The following GNA14 variants were observed in gnomAD, a reference collection of about 807,000 sequenced individuals.
GNA14 encodes G protein subunit alpha 14.
GNA14 carries 50 observed loss-of-function variants against 42.0 expected under a neutral mutation model. That is an observed-to-expected ratio of 1.19 (90% CI 0.95 to 1.51). The LOEUF is 1.51. Ranked by LOEUF, GNA14 falls within the 40% of genes most tolerant of loss-of-function variation. GNA14 has a pLI of 0.00. For missense variants in GNA14, 473 were observed against 446.2 expected (o/e 1.06, Z -0.54); for synonymous variants, 173 against 163.1 (o/e 1.06, Z -0.46).
rs549330497 is a variant in GNA14 at position 77,502,270 on chromosome 9, T to G, written c.309+26799A>C. On this transcript the variant is annotated intron_variant, in intron 2 of 6. Transcript: ENST00000341700. ...AGACAATACTAACATCCCTGCCACC[T>G]TGTGACTGGCATATCTCGATTGTCC... 3.5e-4 allele frequency among the ~76,000 whole-genome samples: 53 copies of G among 152,344 alleles called. 1 individual carries two copies. The highest frequency in any genetic ancestry group is 9.6e-4 in the African/African-American group (40 of 41,602).
chr9:77,530,719 C>A (rs1352899278), intron 1 of GNA14, among the ~76,000 whole-genome samples: 1 of 152,236 alleles, frequency 6.6e-6, no homozygotes, highest in African/African-American at 2.4e-5. Context: ...CAGTCACACA[C>A]TGAACCTCAA....
intron 1 of GNA14, among the ~76,000 whole-genome samples, chr9:77,596,360 A>T (rs1023413765): frequency 6.6e-6 from 1 of 152,134 alleles, no homozygotes; most frequent in Non-Finnish European, 1.5e-5. Context: ...CTGAAAAGAA[A>T]CTTGTTGCAT....
intron 2 of GNA14, among the ~76,000 whole-genome samples, chr9:77,502,825 T>C (rs1283840949): frequency 6.6e-6 from 1 of 152,144 alleles, no homozygotes; most frequent in African/African-American, 2.4e-5. Flanking sequence ...GGGGCCACAG[T>C]GTTTTTCTTG....
rs1823898714 is a variant in GNA14, at chr9:77,620,207, G to C, written c.124+27463C>G. On this transcript the variant is annotated intron_variant, in intron 1 of 6. Transcript: ENST00000341700. ...GGAAACTCAGGGCTGGAAGGATTTA[G>C]AGATTGCCAAATCCAGCCTTTTCAT... Among the ~76,000 whole-genome samples the C allele has an allele frequency of 2.6e-5, 4 of 152,182 alleles. No individual in the cohort carries two copies. The South Asian group carries it at 8.3e-4, about 32-fold the overall frequency.
chr9:77,461,775 A>T, intron 2 of GNA14, among the ~76,000 whole-genome samples: 1 of 152,148 alleles, frequency 6.6e-6, no homozygotes, highest in Middle Eastern at 3.2e-3. Flanking sequence ...TATCCCAGCA[A>T]ACCGTCTTTC....
chr9:77,452,140 T>G (rs1319250091), intron 2 of GNA14, among the ~76,000 whole-genome samples: 2 of 152,134 alleles, frequency 1.3e-5, no homozygotes, highest in East Asian at 3.9e-4. Flanking sequence ...AGAAATACAC[T>G]GGTCCTGTCA....
At chr9:77,433,045 A>G (rs1251338371) in intron 3 of GNA14, among the ~76,000 whole-genome samples, 2 of 152,170 alleles carry the variant, frequency 1.3e-5, no homozygotes, top group Non-Finnish European at 2.9e-5. Context: ...GGTTGTGCCA[A>G]CCTGGATTAA....
intron 1 of GNA14, among the ~76,000 whole-genome samples, chr9:77,567,750 C>T (rs1232913376): frequency 1.3e-5 from 2 of 152,146 alleles, no homozygotes; most frequent in Non-Finnish European, 2.9e-5. Context: ...GCCTGTAGTC[C>T]CAGCTACTCA....
intron 2 of GNA14, among the ~76,000 whole-genome samples, chr9:77,507,504 A>G (rs994131621): frequency 1.3e-5 from 2 of 152,212 alleles, no homozygotes; most frequent in Non-Finnish European, 2.9e-5. Context: ...CGTCAAAGCC[A>G]AGAACAGCAA....
At chr9:77,464,619 A>T (rs1477246924) in intron 2 of GNA14, among the ~76,000 whole-genome samples, 5 of 152,080 alleles carry the variant, frequency 3.3e-5, no homozygotes, top group African/African-American at 1.2e-4. Flanking sequence ...TGGTTTTTAG[A>T]ATATCCAACG....
intron 1 of GNA14, among the ~76,000 whole-genome samples, chr9:77,645,817 T>C (rs1824342387): frequency 6.6e-6 from 1 of 152,218 alleles, no homozygotes. Flanking sequence ...TTCTGGACAC[T>C]GTACTTCATA....
chr9:77,458,909 G>A (rs951030146), intron 2 of GNA14, among the ~76,000 whole-genome samples: 4 of 151,098 alleles, frequency 2.6e-5, no homozygotes, highest in African/African-American at 7.3e-5. Flanking sequence ...GCTGGAGGGG[G>A]GGGGGTTGTC....
chr9:77,579,201 G>C (rs996508923), intron 1 of GNA14, among the ~76,000 whole-genome samples: 4 of 152,200 alleles, frequency 2.6e-5, no homozygotes, highest in Admixed American at 2.0e-4. Flanking sequence ...CAAATAAGGG[G>C]CCTTCACTCT....
chr9:77,522,252 C>T (rs1837369049), intron 2 of GNA14, among the ~76,000 whole-genome samples: 1 of 152,138 alleles, frequency 6.6e-6, no homozygotes, highest in South Asian at 2.1e-4. Flanking sequence ...AGAAGGCAGG[C>T]AAGAAGGCGC....
intron 1 of GNA14, among the ~76,000 whole-genome samples, chr9:77,595,790 G>C (rs1823455671): frequency 6.6e-6 from 1 of 151,676 alleles, no homozygotes; most frequent in South Asian, 2.1e-4. Flanking sequence ...TGCAACCATT[G>C]TATTCTCTCA....
Position 77,459,993 on chromosome 9 carries a change from G to A in GNA14, c.310-25471C>T, listed in dbSNP as rs1300611694. On this transcript the variant is annotated intron_variant, in intron 2 of 6. Coordinates refer to ENST00000341700, the MANE Select transcript of GNA14 (RefSeq NM_004297.4). Reference sequence around the variant, plus strand: ...CCCTATAGCTCCCTGCATTTCTCACGGACAAGTTCATTTCCCTCTCTGCTT... The same window carrying A: ...CCCTATAGCTCCCTGCATTTCTCACAGACAAGTTCATTTCCCTCTCTGCTT... Among the ~76,000 whole-genome samples the A allele has an allele frequency of 2.0e-5, 3 of 152,196 alleles. No individual in the cohort carries two copies. In the East Asian group the frequency reaches 5.8e-4, roughly 29 times the overall value.
intron 1 of GNA14, among the ~76,000 whole-genome samples, chr9:77,566,902 T>C (rs17724192): frequency 0.043 from 6,575 of 152,222 alleles, 152 homozygotes; most frequent in South Asian, 0.057. Context: ...TTCAATAGTC[T>C]CAAATGCTAC....
chr9:77,555,061 T>C (rs1269293646), intron 1 of GNA14, among the ~76,000 whole-genome samples: 6 of 152,248 alleles, frequency 3.9e-5, no homozygotes, highest in Admixed American at 3.9e-4. Flanking sequence ...TATGCACATT[T>C]TAGATTGGTT....
intron 1 of GNA14, among the ~76,000 whole-genome samples, chr9:77,599,975 TA>T (rs1240783564): frequency 3.3e-5 from 5 of 152,244 alleles, no homozygotes; most frequent in African/African-American, 1.2e-4. Context: ...CTTTTTCTAT[TA>T]AAAGTCAGTG....
Sources: gnomAD v4.1 joint callset for allele counts (sites outside exome capture counted in the v4.1 genomes callset) on GRCh38, gnomAD v4.1.1 for gene constraint, MANE v1.5 for transcripts, NCBI Gene and HGNC (gene_info 2026-07-23, HGNC 2026-07-21) for gene names.